The following SYTL2 variants were observed in gnomAD, a reference collection of about 807,000 sequenced individuals.
The protein encoded by SYTL2 is synaptotagmin like 2, also known as synaptotagmin-like protein 2.
SYTL2 carries 165 observed loss-of-function variants against 198.7 expected under a neutral mutation model. The observed-to-expected ratio is 0.83, with a 90% confidence interval of 0.73 to 0.94. The LOEUF is 0.94. Ranked by LOEUF, SYTL2 falls within the 40% of genes least tolerant of loss-of-function variation. The pLI is 0.00. For synonymous variants in SYTL2, 966 were observed against 917.7 expected (o/e 1.05, Z -0.95); for missense variants, 2,835 against 2,582.8 (o/e 1.10, Z -2.12).
chr11:85,731,278 C>T (rs947082535), intron 7 of SYTL2, among the ~76,000 whole-genome samples: 1 of 152,162 alleles, frequency 6.6e-6, no homozygotes, highest in Non-Finnish European at 1.5e-5. Flanking sequence ...ATAGCCAACA[C>T]GTTCCTAAGC....
chr11:85,707,544 A>G lies in SYTL2; in HGVS notation c.5916-13T>C, dbSNP rs769083520. 6.7e-7 allele frequency: 1 copy of G among 1,482,068 alleles called. No individual in the cohort carries two copies. The highest frequency in any genetic ancestry group is 9.2e-7 in the Non-Finnish European group (1 of 1,082,894). 91.8% of individuals were successfully genotyped at this position (1,482,068 alleles called of 1,614,324 possible). ...GGCCTTTACATATCTGAAAAGGAGAATTGAACAGACAAAGTCAAAGAAAAT... is the reference window on the plus strand; with the variant it reads ...GGCCTTTACATATCTGAAAAGGAGAGTTGAACAGACAAAGTCAAAGAAAAT... On this transcript the variant is annotated splice_polypyrimidine_tract_variant and intron_variant, in intron 14 of 19. Transcript: ENST00000359152.
chr11:85,828,023 T>C, the SYTL2 span, among the ~76,000 whole-genome samples: 6 of 152,212 alleles, frequency 3.9e-5, no homozygotes, highest in Admixed American at 3.9e-4. Flanking sequence ...TGGAAATAAA[T>C]AGGTCTTCAA....
At position 85,726,705 on chromosome 11, in the gene SYTL2, C is replaced by T. The variant is rs1445236130; in HGVS notation, c.2653G>A (p.Ala885Thr). 2 of 1,535,986 alleles carry T rather than the reference C, an allele frequency of 1.3e-6. No individual in the cohort carries two copies. The highest frequency in any genetic ancestry group is 2.4e-5 in the East Asian group (1 of 40,924). Residue 885 changes from alanine to threonine, a missense_variant, in exon 8 of 20, where the codon GCA becomes ACA. By Grantham distance (58) the Ala-to-Thr change is moderately conservative. Around this residue, in one of 3 missense-constraint regions of SYTL2, gnomAD observed 2,645 missense variants for 2,381.7 expected, o/e 1.11. Coordinates refer to ENST00000359152, the MANE Select transcript of SYTL2 (RefSeq NM_206927.4). ...GAAAGATAGTATCTGGATGGACCTG[C>T]TATTTGTGGCTTGGTCTCTTTAGAT... ...NKSKETKPQI[A>T]GPSRYYLSAE...
Position 85,714,481 on chromosome 11 carries a change from T to G in SYTL2, c.5557A>C (p.Asn1853His), listed in dbSNP as rs1259456281. The G allele has an allele frequency of 6.2e-7, 1 of 1,613,538 alleles. No individual in the cohort carries two copies. Among genetic ancestry groups the G allele is most frequent in the African/African-American group, 1.3e-5 (1 of 74,914 alleles). Residue 1853 changes from asparagine (N) to histidine (H), a missense_variant, in exon 12 of 20, where the codon AAT becomes CAT. Asn to His is a moderately conservative substitution (Grantham distance 68). Transcript: ENST00000359152. ...AGTTTGTCAGGGTGAGAAAATGGAT[T>G]ATCAGGTTGTGTAGGCACTGTGGAA... ...RISTVPTQPDNPFSHPDKLKR... is the reference protein window; with the variant it reads ...RISTVPTQPDHPFSHPDKLKR...
At chr11:85,803,577 A>C (rs1241964797) in intron 1 of SYTL2, among the ~76,000 whole-genome samples, 1 of 152,264 alleles carries the variant, frequency 6.6e-6, no homozygotes, top group Non-Finnish European at 1.5e-5. Context: ...TTTCTGGAAC[A>C]GTCCTAGTTT....
chr11:85,764,229 T>G (rs1246572186), intron 1 of SYTL2, among the ~76,000 whole-genome samples: 1 of 152,248 alleles, frequency 6.6e-6, no homozygotes, highest in South Asian at 2.1e-4. Flanking sequence ...AAAACTTTGT[T>G]GTTCCCTCAA....
the SYTL2 span, among the ~76,000 whole-genome samples, chr11:85,818,750 G>A: frequency 1.3e-5 from 2 of 151,912 alleles, no homozygotes; most frequent in African/African-American, 2.4e-5. Context: ...CAGGGAAGTG[G>A]TGTGATCATA....
chr11:85,767,049 A>G (rs2092256326), intron 1 of SYTL2, among the ~76,000 whole-genome samples: 1 of 150,616 alleles, frequency 6.6e-6, no homozygotes, highest in African/African-American at 2.5e-5. Flanking sequence ...ATTTTCTAAA[A>G]TGTTCCCACA....
chr11:85,775,389 G>A (rs1290577430), intron 1 of SYTL2, among the ~76,000 whole-genome samples: 1 of 152,068 alleles, frequency 6.6e-6, no homozygotes, highest in African/African-American at 2.4e-5. Context: ...CAATGTTGGG[G>A]GTTTACACTG....
the SYTL2 span, among the ~76,000 whole-genome samples, chr11:85,823,281 T>C: frequency 6.6e-6 from 1 of 152,258 alleles, no homozygotes; most frequent in Non-Finnish European, 1.5e-5. Flanking sequence ...GGAAATGTGC[T>C]GAGTCCTAGA....
the SYTL2 span, among the ~76,000 whole-genome samples, chr11:85,850,117 T>C: frequency 6.8e-6 from 1 of 146,930 alleles, no homozygotes; most frequent in Non-Finnish European, 1.5e-5. Flanking sequence ...AGAATGCTTG[T>C]GATTTTTGTA....
At chr11:85,838,743 G>T in the SYTL2 span, among the ~76,000 whole-genome samples, 1 of 152,090 alleles carries the variant, frequency 6.6e-6, no homozygotes, top group African/African-American at 2.4e-5. Flanking sequence ...CTCCAGCACT[G>T]GGGATTACAA....
rs17148370 is a variant in SYTL2 at position 85,720,843 on chromosome 11, G to A, written c.5428+15C>T. Reference sequence around the variant, plus strand: ...TTAGATGGGGCATGAACAGTGAGGCGAACTTTATTCTCACTTGATGAATCT... The same window carrying A: ...TTAGATGGGGCATGAACAGTGAGGCAAACTTTATTCTCACTTGATGAATCT... On this transcript the variant is annotated intron_variant, in intron 9 of 19. Transcript: ENST00000359152. 11,623 of 1,582,366 alleles carry A rather than the reference G, an allele frequency of 7.3e-3. 732 individuals carry two copies. The African/African-American group carries it at 0.14, about 19-fold the overall frequency.
At chr11:85,795,254 C>G (rs879348944) in intron 1 of SYTL2, among the ~76,000 whole-genome samples, 5 of 152,018 alleles carry the variant, frequency 3.3e-5, no homozygotes. Context: ...TCACATCCCC[C>G]CAAGGAATAA....
intron 16 of SYTL2, among the ~76,000 whole-genome samples, chr11:85,702,015 G>A (rs1238936970): frequency 6.6e-6 from 1 of 152,132 alleles, no homozygotes; most frequent in Non-Finnish European, 1.5e-5. Context: ...TGAGGCTGGG[G>A]AGACAAAACT....
At chr11:85,845,340 T>C in the SYTL2 span, among the ~76,000 whole-genome samples, 1 of 152,232 alleles carries the variant, frequency 6.6e-6, no homozygotes, top group African/African-American at 2.4e-5. Context: ...ATGAAGTTGC[T>C]CCCAAATTCC....
At position 85,700,594 on chromosome 11, in the gene SYTL2, C is replaced by G; in HGVS notation, c.6190-1G>C. 1 of 1,613,632 alleles carries G rather than the reference C, an allele frequency of 6.2e-7. No homozygotes were observed. Among genetic ancestry groups the G allele is most frequent in the Non-Finnish European group, 8.5e-7 (1 of 1,179,594 alleles). On this transcript the variant is annotated splice_acceptor_variant, in intron 16 of 19. Transcript: ENST00000359152. LOFTEE classifies it high-confidence loss of function. The stretch of plus-strand genomic sequence containing the variant: ...CTGCTTCAAGGGCAACTGGTGCTGT[C>G]TGAAAAGTGAAGAAATGTCAGCAGG...
the SYTL2 span, among the ~76,000 whole-genome samples, chr11:85,842,688 G>A: frequency 6.6e-6 from 1 of 152,188 alleles, no homozygotes. Context: ...GGGTGGGCCT[G>A]GATCTTGGAG....
Position 85,792,018 on chromosome 11 carries a change from C to A in SYTL2, c.-390+18936G>T, listed in dbSNP as rs565373143. Among the ~76,000 whole-genome samples the A allele has an allele frequency of 2.0e-5, 3 of 151,968 alleles. No individual in the cohort carries two copies. In the East Asian group the frequency reaches 5.8e-4, roughly 29 times the overall value. ...GAACCTATAGAAAGTATATAACTGG[C>A]GAATTGTATAGAACAGATTATTACT... On this transcript the variant is annotated intron_variant, in intron 1 of 19. Coordinates refer to ENST00000359152, the MANE Select transcript of SYTL2 (RefSeq NM_206927.4).
Sources: allele counts gnomAD v4.1 joint callset (sites outside exome capture counted in the v4.1 genomes callset), GRCh38; gene constraint gnomAD v4.1.1; regional missense constraint gnomAD v4.1.1; transcripts MANE v1.5; gene names NCBI Gene and HGNC (gene_info 2026-07-23, HGNC 2026-07-21).